TNS1: variants seen among roughly 807,000 people sequenced by gnomAD.
TNS1 encodes the protein tensin-1.
TNS1 carries 62 observed loss-of-function variants against 168.6 expected under a neutral mutation model. The observed-to-expected ratio is 0.37, with a 90% CI of 0.30 to 0.45. TNS1 has a LOEUF of 0.45. Among genes scored for constraint, TNS1 ranks in the 20% least tolerant of loss-of-function variants. TNS1 has a pLI of 1.00. For missense variants in TNS1, 2,240 were observed against 2,339.4 expected (o/e 0.96, Z 0.88); for synonymous variants, 934 against 933.2 (o/e 1.00, Z -0.02).
intron 3 of TNS1, among the ~76,000 whole-genome samples, chr2:217,951,245 G>C (rs991021424): frequency 6.6e-6 from 1 of 152,126 alleles, no homozygotes; most frequent in Non-Finnish European, 1.5e-5. Context: ...ATCTGGCCTA[G>C]AGCAGCTCTC....
intron 3 of TNS1, among the ~76,000 whole-genome samples, chr2:217,969,960 G>C (rs529318912): frequency 5.9e-5 from 9 of 152,084 alleles, no homozygotes; most frequent in Non-Finnish European, 1.3e-4. Flanking sequence ...CTAAAATGGG[G>C]TCATGAGGAT....
chr2:217,906,194 C>A, intron 6 of TNS1, 141 bp downstream of exon 6: 1 of 616,428 alleles, frequency 1.6e-6, no homozygotes, highest in Non-Finnish European at 2.9e-6. Context: ...AGGAAATGGG[C>A]CTGCCCACAA....
intron 18 of TNS1, among the ~76,000 whole-genome samples, chr2:217,852,734 G>C (rs1334840146): frequency 1.3e-5 from 2 of 152,208 alleles, no homozygotes; most frequent in South Asian, 4.1e-4. Flanking sequence ...CTATCCCCAA[G>C]TGGGCTCCTG....
In TNS1 at chr2:217,917,816, G is replaced by A. The variant is rs1005743433; in HGVS notation, c.228+2379C>T. The stretch of plus-strand genomic sequence containing the variant: ...ACTGCACTCCAGCCTGGGCAACACA[G>A]TGAGACTGTTCTCAAAAAAAAAAAA... On this transcript the variant is annotated intron_variant, in intron 4 of 32. Transcript: ENST00000682258. Among the ~76,000 whole-genome samples, 8 of 117,404 alleles carry A rather than the reference G, an allele frequency of 6.8e-5. No homozygotes were observed. The East Asian group carries it at 2.2e-3, about 32-fold the overall frequency. The allele number at this position is 117,404 out of a possible 152,430, so 77.0% of individuals were successfully genotyped here. A position where few individuals can be genotyped will look rare whatever the true frequency, so the allele number is the denominator to read the frequency against.
At chr2:217,921,740 A>G (rs1344627562) in intron 3 of TNS1, among the ~76,000 whole-genome samples, 1 of 152,232 alleles carries the variant, frequency 6.6e-6, no homozygotes, top group Non-Finnish European at 1.5e-5. Flanking sequence ...GGGGCCGAAC[A>G]GAACCAACAA....
chr2:217,842,311 A>G (rs529424900), intron 19 of TNS1, among the ~76,000 whole-genome samples: 3 of 152,158 alleles, frequency 2.0e-5, no homozygotes, highest in Admixed American at 2.0e-4. Flanking sequence ...TTTCATGGTC[A>G]TCTCAAACTT....
intron 6 of TNS1, among the ~76,000 whole-genome samples, chr2:217,902,832 C>G (rs1192504203): frequency 6.6e-6 from 1 of 152,188 alleles, no homozygotes; most frequent in African/African-American, 2.4e-5. Flanking sequence ...AATCACTGGG[C>G]TGCCCTCTCA....
intron 3 of TNS1, among the ~76,000 whole-genome samples, chr2:217,951,369 AT>A (rs1335818715): frequency 1.3e-5 from 2 of 152,300 alleles, no homozygotes; most frequent in African/African-American, 4.8e-5. Context: ...TAATGCTCAG[AT>A]TTAGTGAGTG....
At chr2:217,842,029 C>T (rs983714057) in intron 19 of TNS1, 1 of 701,788 alleles carries the variant, frequency 1.4e-6, no homozygotes, top group Admixed American at 2.0e-5. Context: ...CTGCCCTGGC[C>T]CCCAGAGTTC....
intron 18 of TNS1, among the ~76,000 whole-genome samples, chr2:217,858,153 A>G (rs764904889): frequency 1.3e-5 from 2 of 152,106 alleles, no homozygotes; most frequent in Non-Finnish European, 2.9e-5. Context: ...TGCCAACCCC[A>G]TTCGCGCACA....
At chr2:217,966,308 TGC>T (rs1553621681) in intron 3 of TNS1, among the ~76,000 whole-genome samples, 2,320 of 133,594 alleles carry the variant, frequency 0.017, 58 homozygotes, top group African/African-American at 0.06. Context: ...TGTGTGTGTG[TGC>T]GCGCGCGCGC....
At chr2:217,947,094 A>C (rs1464170580) in intron 3 of TNS1, among the ~76,000 whole-genome samples, 3 of 150,166 alleles carry the variant, frequency 2.0e-5, no homozygotes, top group African/African-American at 7.4e-5. Flanking sequence ...CAGGGTCTCC[A>C]CCTCCCATCC....
At chr2:217,988,738 G>A (rs1958268088) in intron 2 of TNS1, among the ~76,000 whole-genome samples, 1 of 152,078 alleles carries the variant, frequency 6.6e-6, no homozygotes, top group East Asian at 1.9e-4. Context: ...CAAAAGTCCT[G>A]GTTAGCCACT....
intron 3 of TNS1, among the ~76,000 whole-genome samples, chr2:217,932,044 G>A (rs545897770): frequency 1.3e-5 from 2 of 152,166 alleles, no homozygotes; most frequent in Non-Finnish European, 2.9e-5. Flanking sequence ...CCTCAAAGCT[G>A]ATCTATGGCT....
chr2:217,935,424 C>G (rs1033197151), intron 3 of TNS1, among the ~76,000 whole-genome samples: 4 of 152,124 alleles, frequency 2.6e-5, no homozygotes, highest in African/African-American at 7.2e-5. Flanking sequence ...CTCCAATCAC[C>G]TCTCCTCCCC....
intron 1 of TNS1, among the ~76,000 whole-genome samples, chr2:218,009,665 C>T (rs1300623904): frequency 6.6e-6 from 1 of 152,236 alleles, no homozygotes; most frequent in Non-Finnish European, 1.5e-5. Flanking sequence ...TTCCTTACCT[C>T]GCTGCCTTAA....
At chr2:217,808,507 GCACACA>G in intron 31 of TNS1, 90 bp downstream of exon 31, 18 of 1,019,974 alleles carry the variant, frequency 1.8e-5, no homozygotes, top group East Asian at 2.6e-5. Context: ...GTATGCACAT[GCACACA>G]CACACACACA....
chr2:217,872,088 C>G (rs551141099), intron 18 of TNS1, among the ~76,000 whole-genome samples: 3 of 152,368 alleles, frequency 2.0e-5, no homozygotes, highest in African/African-American at 7.2e-5. Context: ...CTGTTACTTG[C>G]CTCAGTTTCC....
Position 217,813,508 on chromosome 2 carries a change from A to G in TNS1, c.4861+177T>C, listed in dbSNP as rs1559149955. 6.6e-6 allele frequency among the ~76,000 whole-genome samples: 1 copy of G among 152,112 alleles called. No individual in the cohort carries two copies. Among genetic ancestry groups the G allele is most frequent in the Non-Finnish European group, 1.5e-5 (1 of 68,008 alleles). ...TCAGGAAACACATGGCAGGCACCCA[A>G]TCGTCCTGCTTTCCCAATCTCTGAC... On this transcript the variant is annotated intron_variant, in intron 26 of 32. Transcript: ENST00000682258. The surrounding 1 kb of genome is among the most constrained non-coding windows in gnomAD (Gnocchi z 4.0).
Sources: allele counts gnomAD v4.1 joint callset (sites outside exome capture counted in the v4.1 genomes callset), GRCh38; gene constraint gnomAD v4.1.1; non-coding constraint Gnocchi (gnomAD v3.1); transcripts MANE v1.5; gene names NCBI Gene and HGNC (gene_info 2026-07-23, HGNC 2026-07-21).